The following WDR19 variants were observed in gnomAD, a reference collection of about 807,000 sequenced individuals.
WDR19 encodes the protein WD repeat-containing protein 19.
Under a neutral mutation model 180.0 loss-of-function variants are expected in WDR19, and 121 were observed. The ratio of observed to expected loss-of-function variants is 0.67; its 90% CI spans 0.58 to 0.78. WDR19 has a LOEUF of 0.78. Ranked by LOEUF, WDR19 falls within the 30% of genes least tolerant of loss-of-function variation. The pLI, the probability that WDR19 is intolerant of heterozygous loss-of-function variation, is 0.00. For missense variants in WDR19, 1,450 were observed against 1,640.7 expected (o/e 0.88, Z 2.01); for synonymous variants, 497 against 540.7 (o/e 0.92, Z 1.12).
chr4:39,265,427 G>C (rs920019052), intron 28 of WDR19, among the ~76,000 whole-genome samples: 1 of 152,064 alleles, frequency 6.6e-6, no homozygotes, highest in Admixed American at 6.6e-5. Flanking sequence ...GTCAGTGCTT[G>C]TGCTTAAGAT....
At chr4:39,253,073 C>A in intron 24 of WDR19, 73 bp from the exon 25 acceptor site, 1 of 1,443,562 alleles carries the variant, frequency 6.9e-7, no homozygotes, top group Non-Finnish European at 9.2e-7. Context: ...TAAAAGTGTC[C>A]TAAACATTTA....
At chr4:39,207,303 AT>A (rs1182782427) in intron 9 of WDR19, among the ~76,000 whole-genome samples, 1 of 152,158 alleles carries the variant, frequency 6.6e-6, no homozygotes, top group East Asian at 1.9e-4. Context: ...AAACAAAATT[AT>A]TTGTCCCAGA....
At chr4:39,203,520 G>A in intron 6 of WDR19, 122 bp from the exon 7 acceptor site, 1 of 726,464 alleles carries the variant, frequency 1.4e-6, no homozygotes, top group Non-Finnish European at 2.3e-6. Context: ...TGTGACAGTA[G>A]GATTTTCAGG....
At chr4:39,185,967 C>A in intron 2 of WDR19, 150 bp downstream of exon 2, 1 of 634,782 alleles carries the variant, frequency 1.6e-6, no homozygotes, top group Non-Finnish European at 2.5e-6. Flanking sequence ...ACGATCTCAG[C>A]TTGCTGCAAC....
At chr4:39,253,350 C>G in intron 25 of WDR19, 58 bp downstream of exon 25, 1 of 1,502,364 alleles carries the variant, frequency 6.7e-7, no homozygotes, top group Non-Finnish European at 9.0e-7. Context: ...AAGTAAGCCT[C>G]TGCCTTCTAT....
chr4:39,183,861 T>G (rs1725237693), intron 1 of WDR19, among the ~76,000 whole-genome samples: 1 of 151,972 alleles, frequency 6.6e-6, no homozygotes, highest in South Asian at 2.1e-4. Context: ...TCTATAGAGC[T>G]CCACTGAAAA....
chr4:39,204,232 T>G (rs1487180068), intron 7 of WDR19, among the ~76,000 whole-genome samples: 1 of 152,036 alleles, frequency 6.6e-6, no homozygotes, highest in African/African-American at 2.4e-5. Context: ...ATTACAGGCA[T>G]GCGCCACGAC....
chr4:39,194,713 A>C, intron 5 of WDR19, 54 bp downstream of exon 5: 2 of 1,355,962 alleles, frequency 1.5e-6, no homozygotes, highest in South Asian at 2.5e-5. Context: ...ACCTCAATGT[A>C]AATTCTGCCG....
At chr4:39,259,808 TTTCCTGAAGCAGCTGA>T (rs1285716731) in intron 28 of WDR19, among the ~76,000 whole-genome samples, 1 of 152,206 alleles carries the variant, frequency 6.6e-6, no homozygotes, top group Non-Finnish European at 1.5e-5. Context: ...TGTCCAACTG[TTTCCTGAAGCAGCTGA>T]CCACTTACAT....
intron 36 of WDR19, among the ~76,000 whole-genome samples, chr4:39,282,375 A>G (rs1402997968): frequency 1.3e-5 from 2 of 152,044 alleles, no homozygotes; most frequent in African/African-American, 4.8e-5. Context: ...ATCTTTTTCA[A>G]TTCCTCATCA....
In WDR19 at chr4:39,190,731, G is replaced by T. The variant is rs189016638; in HGVS notation, c.290+950G>T. Among the ~76,000 whole-genome samples, 326 of 152,330 alleles carry T rather than the reference G, an allele frequency of 2.1e-3. 1 individual carries two copies. Among genetic ancestry groups the T allele is most frequent in the Non-Finnish European group, 3.9e-3 (265 of 68,036 alleles). On this transcript the variant is annotated intron_variant, in intron 4 of 36. Coordinates refer to ENST00000399820, the MANE Select transcript of WDR19 (RefSeq NM_025132.4). Reference sequence around the variant, plus strand: ...TTGACCCTCCAAAGTGACCGTTGAGGCAAGTAGCTGCAGAAGATACTGTCT... The same window carrying T: ...TTGACCCTCCAAAGTGACCGTTGAGTCAAGTAGCTGCAGAAGATACTGTCT...
At chr4:39,204,684 G>A (rs1727765447) in intron 7 of WDR19, among the ~76,000 whole-genome samples, 1 of 152,178 alleles carries the variant, frequency 6.6e-6, no homozygotes, top group African/African-American at 2.4e-5. Context: ...CACTAGTTTA[G>A]CCAACACTGA....
chr4:39,235,286 C>T (rs537315488), intron 20 of WDR19, among the ~76,000 whole-genome samples: 1 of 152,020 alleles, frequency 6.6e-6, no homozygotes, highest in African/African-American at 2.4e-5. Flanking sequence ...ACCACAAGGC[C>T]TGGCTAATTT....
chr4:39,198,436 C>T (rs1461009605), intron 5 of WDR19, among the ~76,000 whole-genome samples: 1 of 152,096 alleles, frequency 6.6e-6, no homozygotes, highest in Non-Finnish European at 1.5e-5. Context: ...TGGCGGACGC[C>T]TGTAGTCCCT....
At chr4:39,278,042 A>G (rs1157037626) in intron 34 of WDR19, 89 bp from the exon 35 acceptor site, 4 of 1,169,346 alleles carry the variant, frequency 3.4e-6, no homozygotes, top group African/African-American at 1.8e-5. Context: ...TGACTGGGCA[A>G]GATTCCGTCA....
At chr4:39,196,447 A>G (rs1726758487) in intron 5 of WDR19, among the ~76,000 whole-genome samples, 1 of 152,130 alleles carries the variant, frequency 6.6e-6, no homozygotes, top group South Asian at 2.1e-4. Flanking sequence ...TGTTAGGCCA[A>G]TGTTTAGGGC....
At chr4:39,260,190 G>A (rs1185228645) in intron 28 of WDR19, among the ~76,000 whole-genome samples, 1 of 151,996 alleles carries the variant, frequency 6.6e-6, no homozygotes, top group African/African-American at 2.4e-5. Flanking sequence ...CATCCTTGTG[G>A]TATAATTTCC....
chr4:39,260,401 G>A (rs571885801), intron 28 of WDR19, among the ~76,000 whole-genome samples: 12 of 145,636 alleles, frequency 8.2e-5, no homozygotes, highest in East Asian at 2.0e-4. Context: ...TCAGTGGTGC[G>A]ATCTCAGCTC....
chr4:39,186,469 A>T (rs951156159), intron 2 of WDR19, 70 bp from the exon 3 acceptor site: 1 of 1,114,288 alleles, frequency 9.0e-7, no homozygotes, highest in Non-Finnish European at 1.2e-6. Flanking sequence ...ACAGAGGGAG[A>T]CTCTGTCTCA....
Sources: allele counts gnomAD v4.1 joint callset (sites outside exome capture counted in the v4.1 genomes callset), GRCh38; gene constraint gnomAD v4.1.1; transcripts MANE v1.5; gene names NCBI Gene and HGNC (gene_info 2026-07-23, HGNC 2026-07-21).